PSMD13: variants seen among roughly 807,000 people sequenced by gnomAD.
The protein encoded by PSMD13 is 26S proteasome non-ATPase regulatory subunit 13.
Under a neutral mutation model 57.4 loss-of-function variants are expected in PSMD13, and 8 were observed. That is an observed-to-expected ratio of 0.14 (90% CI 0.08 to 0.25). The LOEUF (loss-of-function observed/expected upper bound fraction) is 0.25, where lower values mean the gene tolerates loss of function less well. PSMD13 is among the 10% of genes least tolerant of loss of function. The pLI is 1.00. For synonymous variants in PSMD13, 193 were observed against 168.2 expected (o/e 1.15, Z -1.14); for missense variants, 400 against 461.5 (o/e 0.87, Z 1.22).
rs1360107807 is a variant in PSMD13 at position 252,021 on chromosome 11, C to T, written c.1035+85C>T. On this transcript the variant is annotated intron_variant, in intron 12 of 12. Coordinates refer to ENST00000532097, the MANE Select transcript of PSMD13 (RefSeq NM_002817.4). This position sits in a 1 kb window ranked among gnomAD's most constrained non-coding sequence, Gnocchi z 4.1. ...GTCTTAGTTTCATTTGGATGGAAGCCATTTGGGAAGACAGCATTATTAGAC... is the reference window on the plus strand; with the variant it reads ...GTCTTAGTTTCATTTGGATGGAAGCTATTTGGGAAGACAGCATTATTAGAC... 5 of 1,269,704 alleles carry T rather than the reference C, an allele frequency of 3.9e-6. No homozygotes were observed. In the African/African-American group the frequency reaches 7.4e-5, roughly 19 times the overall value. 78.7% of individuals were successfully genotyped at this position (1,269,704 alleles called of 1,614,324 possible).
In PSMD13 at chr11:247,139, T is replaced by C. The variant is rs571574652; in HGVS notation, c.397-138T>C. On this transcript the variant is annotated intron_variant, in intron 6 of 12. Coordinates refer to ENST00000532097, the MANE Select transcript of PSMD13 (RefSeq NM_002817.4). The stretch of plus-strand genomic sequence containing the variant: ...GGCTTGAACCTGTAATCCCAGCTAC[T>C]ACAGAGGCTGAGGTGGGAGGATCAC... The C allele has an allele frequency of 1.5e-3, 1,148 of 763,198 alleles. 7 individuals carry two copies. Among genetic ancestry groups the C allele is most frequent in the Middle Eastern group, 2.3e-3 (6 of 2,568 alleles). The allele number at this position is 763,198 out of a possible 1,614,324, so 47.3% of individuals were successfully genotyped here.
Position 251,794 on chromosome 11 carries a change from T to C in PSMD13, c.919-26T>C. 1 of 1,608,124 alleles carries C rather than the reference T, an allele frequency of 6.2e-7. No homozygotes were observed. The highest frequency in any genetic ancestry group is 8.5e-7 in the Non-Finnish European group (1 of 1,175,358). ...TGGGGGTGTGTCAGGCTATCTTGTCTTACACACGCCTCCCTCTCTGCACAG... is the reference window on the plus strand; with the variant it reads ...TGGGGGTGTGTCAGGCTATCTTGTCCTACACACGCCTCCCTCTCTGCACAG... On this transcript the variant is annotated intron_variant, in intron 11 of 12. Coordinates refer to ENST00000532097, the MANE Select transcript of PSMD13 (RefSeq NM_002817.4). This position sits in a 1 kb window ranked among gnomAD's most constrained non-coding sequence, Gnocchi z 4.6.
In PSMD13 at chr11:251,756, C is replaced by T; in HGVS notation, c.919-64C>T. On this transcript the variant is annotated intron_variant, in intron 11 of 12. Coordinates refer to ENST00000532097, the MANE Select transcript of PSMD13 (RefSeq NM_002817.4). The surrounding 1 kb of genome is among the most constrained non-coding windows in gnomAD (Gnocchi z 4.6). ...AGGAGCGGCATCTGCTTCTCACAAGCCATCTGGGTCCATGGGGGTGTGTCA... is the reference window on the plus strand; with the variant it reads ...AGGAGCGGCATCTGCTTCTCACAAGTCATCTGGGTCCATGGGGGTGTGTCA... The T allele has an allele frequency of 6.4e-7, 1 of 1,551,878 alleles. No individual in the cohort carries two copies. Among genetic ancestry groups the T allele is most frequent in the South Asian group, 1.1e-5 (1 of 89,000 alleles).
Position 252,884 on chromosome 11 carries a change from G to A in PSMD13, c.*284G>A, listed in dbSNP as rs1307901479. Reference sequence around the variant, plus strand: ...CCAGGCAGGAGGCCCCCTGAAGTCTGTGTACTCCGAGGTGGATCTCCATCC... The same window carrying A: ...CCAGGCAGGAGGCCCCCTGAAGTCTATGTACTCCGAGGTGGATCTCCATCC... On this transcript the variant is annotated 3_prime_UTR_variant, in exon 13 of 13. Coordinates refer to ENST00000532097, the MANE Select transcript of PSMD13 (RefSeq NM_002817.4). The surrounding 1 kb of genome is among the most constrained non-coding windows in gnomAD (Gnocchi z 4.1). The A allele has an allele frequency of 1.1e-5, 4 of 364,302 alleles. No homozygotes were observed. The highest frequency in any genetic ancestry group is 4.1e-5 in the African/African-American group (2 of 49,362). The allele number at this position is 364,302 out of a possible 1,614,324, so 22.6% of individuals were successfully genotyped here.
chr11:249,247 GCAGA>G (rs1859720104), intron 9 of PSMD13, among the ~76,000 whole-genome samples, 190 bp downstream of exon 9: 2 of 152,140 alleles, frequency 1.3e-5, no homozygotes, highest in Admixed American at 1.3e-4. Context: ...ACTCAGTGCT[GCAGA>G]CAAAGAGTGA....
intron 2 of PSMD13, among the ~76,000 whole-genome samples, chr11:243,719 A>G (rs757090759): frequency 6.6e-6 from 1 of 152,222 alleles, no homozygotes; most frequent in South Asian, 2.1e-4. Context: ...CTGATAGTCT[A>G]TTTAGCTTAC....
At chr11:239,134 A>G (rs1859462646) in intron 2 of PSMD13, 58 bp downstream of exon 2, 1 of 1,404,294 alleles carries the variant, frequency 7.1e-7, no homozygotes, top group Admixed American at 1.7e-5. Flanking sequence ...ACTTTTGAAA[A>G]TAAGATAGGC....
intron 9 of PSMD13, among the ~76,000 whole-genome samples, chr11:250,440 A>C (rs1268589540): frequency 6.6e-6 from 1 of 151,692 alleles, no homozygotes; most frequent in African/African-American, 2.4e-5. Flanking sequence ...CCTTGAAAGA[A>C]CCCCCCTGGG....
intron 6 of PSMD13, 118 bp downstream of exon 6, chr11:244,879 A>G (rs1294365552): frequency 4.8e-6 from 4 of 840,790 alleles, no homozygotes; most frequent in Non-Finnish European, 7.1e-6. Context: ...CATTACAGAA[A>G]AGTTGCAAAA....
At chr11:243,502 C>T (rs945609861) in intron 2 of PSMD13, 9 of 315,950 alleles carry the variant, frequency 2.8e-5, no homozygotes, top group Admixed American at 8.2e-5. Context: ...GATCTTGAAT[C>T]TCTGGCTGTA....
intron 2 of PSMD13, among the ~76,000 whole-genome samples, chr11:242,519 A>C (rs1479183745): frequency 6.6e-6 from 1 of 151,830 alleles, no homozygotes; most frequent in East Asian, 1.9e-4. Flanking sequence ...TGTACAGTCC[A>C]TTGTCCATTT....
intron 6 of PSMD13, among the ~76,000 whole-genome samples, chr11:245,697 T>C (rs565525589): frequency 0.012 from 206 of 16,932 alleles, 7 homozygotes; most frequent in African/African-American, 0.037. Flanking sequence ...TGTGTGTTCG[T>C]GTGTTTGTGT....
chr11:252,277 C>T lies in PSMD13; in HGVS notation c.1036-228C>T, dbSNP rs566690717. 1.0e-4 allele frequency: 57 copies of T among 542,982 alleles called. No homozygotes were observed. The South Asian group carries it at 1.2e-3, about 11-fold the overall frequency. 33.6% of individuals were successfully genotyped at this position (542,982 alleles called of 1,614,324 possible). ...CTGGAAATGCGATCCTGTGGATTTC[C>T]TCTGTCCTTGTCTGCTTTCTTTCAT... On this transcript the variant is annotated intron_variant, in intron 12 of 12. Coordinates refer to ENST00000532097, the MANE Select transcript of PSMD13 (RefSeq NM_002817.4). This position sits in a 1 kb window ranked among gnomAD's most constrained non-coding sequence, Gnocchi z 4.1.
chr11:252,235 C>T lies in PSMD13; in HGVS notation c.1036-270C>T, dbSNP rs1272517367. 9.8e-6 allele frequency: 5 copies of T among 511,358 alleles called. No homozygotes were observed. The highest frequency in any genetic ancestry group is 1.1e-5 in the Non-Finnish European group (3 of 282,824). 31.7% of individuals were successfully genotyped at this position (511,358 alleles called of 1,614,324 possible). A position where few individuals can be genotyped will look rare whatever the true frequency, so the allele number is the denominator to read the frequency against. On this transcript the variant is annotated intron_variant, in intron 12 of 12. Coordinates refer to ENST00000532097, the MANE Select transcript of PSMD13 (RefSeq NM_002817.4). The surrounding 1 kb of genome is among the most constrained non-coding windows in gnomAD (Gnocchi z 4.1). Reference sequence around the variant, plus strand: ...TTCCTGGTTCTGTGATTTGAGCTCACGTCGCTCTTACATTTGCTGGAAATG... The same window carrying T: ...TTCCTGGTTCTGTGATTTGAGCTCATGTCGCTCTTACATTTGCTGGAAATG...
rs529822023 is a variant in PSMD13, at chr11:242,883, C to T, written c.175-1158C>T. Among the ~76,000 whole-genome samples, 2 of 152,132 alleles carry T rather than the reference C, an allele frequency of 1.3e-5. 1 individual carries two copies. The highest frequency in any genetic ancestry group is 4.1e-4 in the South Asian group (2 of 4,830). ...CAATCTCAGCTCACAGCAACCTCTG[C>T]CTCCCTGGTTCAAGCGATTCTTCTG... On this transcript the variant is annotated intron_variant, in intron 2 of 12. Transcript: ENST00000532097.
At chr11:237,739 T>C (rs951914653) in intron 1 of PSMD13, among the ~76,000 whole-genome samples, 21 of 152,238 alleles carry the variant, frequency 1.4e-4, no homozygotes, top group East Asian at 7.7e-4. Context: ...TCATGGGCTT[T>C]CTGCCCCTAG....
chr11:250,518 G>A (rs776854370), intron 9 of PSMD13, among the ~76,000 whole-genome samples: 1 of 152,184 alleles, frequency 6.6e-6, no homozygotes, highest in Non-Finnish European at 1.5e-5. Context: ...CGTACCCTGT[G>A]GCCCTGCCTA....
chr11:245,702 TTGTGTGTGTTTGTGTGTGTGTGTTTG>T (rs1193101464), intron 6 of PSMD13, among the ~76,000 whole-genome samples: 35 of 31,652 alleles, frequency 1.1e-3, no homozygotes, highest in Non-Finnish European at 3.0e-3. Context: ...GTTCGTGTGT[TTGTGTGTGTTTGTGTGTGTGTGTTTG>T]TGTGTGTGTG....
chr11:244,269 GA>G, intron 4 of PSMD13, 53 bp downstream of exon 4: 20 of 1,593,746 alleles, frequency 1.3e-5, no homozygotes, highest in Middle Eastern at 1.8e-4. Flanking sequence ...GGTTAAAATT[GA>G]AATATAAGTT....
Sources: allele counts gnomAD v4.1 joint callset (sites outside exome capture counted in the v4.1 genomes callset), GRCh38; gene constraint gnomAD v4.1.1; non-coding constraint Gnocchi (gnomAD v3.1); transcripts MANE v1.5; gene names NCBI Gene and HGNC (gene_info 2026-07-23, HGNC 2026-07-21).